Variants in ZCCHC24 observed in about 807,000 individuals in gnomAD.
ZCCHC24 encodes zinc finger CCHC-type containing 24, also known as zinc finger CCHC domain-containing protein 24.
Under a neutral mutation model 26.2 loss-of-function variants are expected in ZCCHC24, and 10 were observed. The ratio of observed to expected loss-of-function variants is 0.38; its 90% CI spans 0.24 to 0.65. The LOEUF (loss-of-function observed/expected upper bound fraction) is 0.65. ZCCHC24 is among the 30% of genes least tolerant of loss of function. The probability of loss-of-function intolerance (pLI) is 0.54; values close to 1 mark genes in which losing one functional copy is unlikely to be tolerated. For missense variants in ZCCHC24, 243 were observed against 329.1 expected, an observed-to-expected ratio of 0.74 and a Z score of 2.03; for synonymous variants, 144 against 147.1, an observed-to-expected ratio of 0.98 and a Z score of 0.15.
chr10:79,404,475 A>C (rs1343719373), intron 2 of ZCCHC24, among the ~76,000 whole-genome samples: 2 of 152,174 alleles, frequency 1.3e-5, no homozygotes, highest in Non-Finnish European at 1.5e-5. Context: ...GGATTGCAAA[A>C]GACAGAGGTT....
intron 1 of ZCCHC24, among the ~76,000 whole-genome samples, chr10:79,436,693 G>A (rs1224881763): frequency 6.6e-6 from 1 of 152,256 alleles, no homozygotes. Flanking sequence ...CAGCAGGGAA[G>A]GGCCTGCCCA....
chr10:79,386,228 G>A lies in ZCCHC24; in HGVS notation c.*117C>T, dbSNP rs191374714. On this transcript the variant is annotated 3_prime_UTR_variant, in exon 4 of 4. Coordinates refer to ENST00000372336, the MANE Select transcript of ZCCHC24 (RefSeq NM_153367.4). ...CGCTAAGAGCCCCCGGCCCAGCCCCGCAGGCCTGCGAGGGCACCCCATGCA... is the reference window on the plus strand; with the variant it reads ...CGCTAAGAGCCCCCGGCCCAGCCCCACAGGCCTGCGAGGGCACCCCATGCA... 1.2e-4 allele frequency: 109 copies of A among 912,298 alleles called. No individual in the cohort carries two copies. Among genetic ancestry groups the A allele is most frequent in the Non-Finnish European group, 1.5e-4 (88 of 574,260 alleles). The allele number at this position is 912,298 out of a possible 1,614,324, so 56.5% of individuals were successfully genotyped here.
At chr10:79,439,089 T>C (rs959609826) in intron 1 of ZCCHC24, among the ~76,000 whole-genome samples, 3 of 152,262 alleles carry the variant, frequency 2.0e-5, no homozygotes. Context: ...TGTGATCCAC[T>C]GTGGGCATGA....
chr10:79,408,305 G>T (rs1856745358), intron 2 of ZCCHC24, among the ~76,000 whole-genome samples: 1 of 152,174 alleles, frequency 6.6e-6, no homozygotes, highest in Non-Finnish European at 1.5e-5. Context: ...CAGTTTCCCT[G>T]CAGGGAGCTC....
At chr10:79,427,831 A>G (rs1169580890) in intron 2 of ZCCHC24, among the ~76,000 whole-genome samples, 2 of 152,274 alleles carry the variant, frequency 1.3e-5, no homozygotes, top group East Asian at 3.9e-4. Context: ...ATGAGTTATG[A>G]TCACAGCACC....
chr10:79,444,274 C>T, intron 1 of ZCCHC24: 4 of 1,427,228 alleles, frequency 2.8e-6, no homozygotes, highest in Non-Finnish European at 3.7e-6. Context: ...GGAGTCCAGC[C>T]CACGGAAAGG....
At chr10:79,404,492 G>T (rs1178491390) in intron 2 of ZCCHC24, among the ~76,000 whole-genome samples, 1 of 152,298 alleles carries the variant, frequency 6.6e-6, no homozygotes, top group Admixed American at 6.5e-5. Flanking sequence ...GGTTTCCTCC[G>T]CCACTGCAGA....
At chr10:79,414,785 A>T (rs563097961) in intron 2 of ZCCHC24, among the ~76,000 whole-genome samples, 123 of 152,274 alleles carry the variant, frequency 8.1e-4, no homozygotes, top group Middle Eastern at 3.4e-3. Context: ...CTGAATTCAA[A>T]TTTCTAGCAC....
intron 2 of ZCCHC24, among the ~76,000 whole-genome samples, chr10:79,412,485 A>G (rs2132196400): frequency 6.6e-6 from 1 of 152,378 alleles, no homozygotes; most frequent in African/African-American, 2.4e-5. Flanking sequence ...ATCTCCAGGG[A>G]CTGGGCAGCC....
Position 79,440,110 on chromosome 10 carries a change from G to GACAC in ZCCHC24, c.246+5081_246+5084dup, listed in dbSNP as rs145722013. Among the ~76,000 whole-genome samples the GACAC allele has an allele frequency of 6.1e-3, 911 of 150,052 alleles. 9 individuals carry two copies. Among genetic ancestry groups the GACAC allele is most frequent in the African/African-American group, 0.018 (727 of 40,904 alleles). On this transcript the variant is annotated intron_variant, in intron 1 of 3. Transcript: ENST00000372336. ...AATCACATGCCACCACCACCACCAC[G>GACAC]ACACACACACACACACACACAACAG...
At chr10:79,403,127 G>T (rs540269116) in intron 2 of ZCCHC24, among the ~76,000 whole-genome samples, 1 of 152,316 alleles carries the variant, frequency 6.6e-6, no homozygotes, top group Admixed American at 6.5e-5. Flanking sequence ...ATACTCCTGG[G>T]CTCAAGCCCA....
At chr10:79,422,529 G>C (rs942870610) in intron 2 of ZCCHC24, among the ~76,000 whole-genome samples, 1 of 152,218 alleles carries the variant, frequency 6.6e-6, no homozygotes, top group African/African-American at 2.4e-5. Flanking sequence ...CCTTTCCCCA[G>C]CAAGACCCTG....
intron 2 of ZCCHC24, among the ~76,000 whole-genome samples, chr10:79,411,002 TG>T (rs1281992973): frequency 3.3e-5 from 5 of 152,014 alleles, no homozygotes; most frequent in Non-Finnish European, 7.4e-5. Flanking sequence ...TGGCTCTGAC[TG>T]GGGGACAAGG....
At chr10:79,403,410 C>A (rs886785718) in intron 2 of ZCCHC24, 21 of 985,450 alleles carry the variant, frequency 2.1e-5, no homozygotes, top group Non-Finnish European at 2.5e-5. Context: ...CAACCAAAGA[C>A]CTCCACACTC....
chr10:79,390,886 A>G (rs1250963037), intron 3 of ZCCHC24, among the ~76,000 whole-genome samples: 1 of 152,078 alleles, frequency 6.6e-6, no homozygotes, highest in Non-Finnish European at 1.5e-5. Flanking sequence ...GTGGGGCAGG[A>G]GAAATAAACC....
At position 79,385,217 on chromosome 10, in the gene ZCCHC24, A is replaced by C. The variant is rs1856372418; in HGVS notation, c.*1128T>G. 1 of 152,186 alleles carries C rather than the reference A, an allele frequency of 6.6e-6. No homozygotes were observed. The highest frequency in any genetic ancestry group is 2.4e-5 in the African/African-American group (1 of 41,404). The allele number at this position is 152,186 out of a possible 1,614,324, so 9.4% of individuals were successfully genotyped here. Reference sequence around the variant, plus strand: ...GCATCCCTCAGCTTGACTTCCTAAGACACCAAGTGAAGGGTCACGATGCGG... The same window carrying C: ...GCATCCCTCAGCTTGACTTCCTAAGCCACCAAGTGAAGGGTCACGATGCGG... On this transcript the variant is annotated 3_prime_UTR_variant, in exon 4 of 4. Transcript: ENST00000372336. This position sits in a 1 kb window ranked among gnomAD's most constrained non-coding sequence, Gnocchi z 4.3.
At position 79,383,969 on chromosome 10, in the gene ZCCHC24, C is replaced by G. The variant is rs1856357709; in HGVS notation, c.*2376G>C. 6.5e-6 allele frequency: 1 copy of G among 152,782 alleles called. No individual in the cohort carries two copies. Among genetic ancestry groups the G allele is most frequent in the Non-Finnish European group, 1.5e-5 (1 of 68,066 alleles). The allele number at this position is 152,782 out of a possible 1,614,324, so 9.5% of individuals were successfully genotyped here. On this transcript the variant is annotated 3_prime_UTR_variant, in exon 4 of 4. Coordinates refer to ENST00000372336, the MANE Select transcript of ZCCHC24 (RefSeq NM_153367.4). Reference sequence around the variant, plus strand: ...TACTAAAACCACACACTTTCCCATCCCCTGGGCTCCTGGCCCTCTGAGCAC... The same window carrying G: ...TACTAAAACCACACACTTTCCCATCGCCTGGGCTCCTGGCCCTCTGAGCAC...
intron 2 of ZCCHC24, among the ~76,000 whole-genome samples, chr10:79,402,923 C>A (rs1589663685): frequency 2.0e-5 from 3 of 152,364 alleles, no homozygotes. Context: ...CCTCAATATT[C>A]ATTTGTTCAC....
intron 1 of ZCCHC24, among the ~76,000 whole-genome samples, chr10:79,441,034 T>G (rs1041012210): frequency 6.6e-5 from 10 of 150,826 alleles, no homozygotes; most frequent in Admixed American, 3.3e-4. Context: ...AACTCTGGGC[T>G]GGGATAGAAT....
Sources: gnomAD v4.1 joint callset for allele counts (sites outside exome capture counted in the v4.1 genomes callset) on GRCh38, gnomAD v4.1.1 for gene constraint, Gnocchi (gnomAD v3.1) non-coding constraint, MANE v1.5 for transcripts, NCBI Gene and HGNC (gene_info 2026-07-23, HGNC 2026-07-21) for gene names.